DPP6: variants seen among roughly 807,000 people sequenced by gnomAD.
The protein encoded by DPP6 is dipeptidyl peptidase like 6, also known as A-type potassium channel modulatory protein DPP6.
A neutral mutation model predicts 122.6 loss-of-function variants in DPP6; 69 were observed. The observed-to-expected ratio is 0.56, with a 90% CI of 0.46 to 0.69. DPP6 has a LOEUF of 0.69. Ranked by LOEUF, DPP6 falls within the 30% of genes least tolerant of loss-of-function variation. The pLI, the probability that DPP6 is intolerant of heterozygous loss-of-function variation, is 0.00. For synonymous variants in DPP6, 418 were observed against 433.1 expected (o/e 0.97, Z 0.43); for missense variants, 928 against 1,116.9 (o/e 0.83, Z 2.41).
chr7:154,195,698 C>T (rs571063791), intron 1 of DPP6, among the ~76,000 whole-genome samples: 224 of 152,306 alleles, frequency 1.5e-3, no homozygotes, highest in Admixed American at 2.8e-3. Flanking sequence ...TCTACTAACC[C>T]AAATTCACCC....
chr7:154,676,445 C>T (rs1377442754), intron 7 of DPP6, among the ~76,000 whole-genome samples: 1 of 120,472 alleles, frequency 8.3e-6, no homozygotes, highest in African/African-American at 2.6e-5. Flanking sequence ...CTGCCCTTCC[C>T]CATGTGACCT....
At chr7:153,989,118 A>C (rs1183353632) in intron 1 of DPP6, among the ~76,000 whole-genome samples, 1 of 148,332 alleles carries the variant, frequency 6.7e-6, no homozygotes, top group African/African-American at 2.5e-5. Flanking sequence ...TTGTGGGCGG[A>C]GGAGGGCGGC....
chr7:154,344,464 G>A (rs896414335), intron 1 of DPP6, among the ~76,000 whole-genome samples: 19 of 152,182 alleles, frequency 1.2e-4, no homozygotes, highest in Non-Finnish European at 5.9e-5. Context: ...TACGCTGTTG[G>A]TGGGAAGGTA....
chr7:153,818,356 A>G, the DPP6 span, among the ~76,000 whole-genome samples: 1 of 152,110 alleles, frequency 6.6e-6, no homozygotes, highest in Non-Finnish European at 1.5e-5. Context: ...AGCACTAGAT[A>G]TAGAATTCAT....
the DPP6 span, among the ~76,000 whole-genome samples, chr7:153,843,273 C>CGCGCACACACGCAT: frequency 2.3e-5 from 1 of 44,030 alleles, no homozygotes; most frequent in Non-Finnish European, 6.5e-5. Flanking sequence ...CACACGCATG[C>CGCGCACACACGCAT]GCGCGCGCAC....
At chr7:154,835,868 G>A (rs1009379364) in intron 16 of DPP6, among the ~76,000 whole-genome samples, 5 of 152,166 alleles carry the variant, frequency 3.3e-5, no homozygotes, top group Admixed American at 1.3e-4. Flanking sequence ...AGCTGGGGGT[G>A]TCTCAGAATC....
chr7:154,885,746 TA>T lies in DPP6; in HGVS notation c.2245+5del. 6.3e-7 allele frequency: 1 copy of T among 1,584,640 alleles called. No individual in the cohort carries two copies. The highest frequency in any genetic ancestry group is 8.6e-7 in the Non-Finnish European group (1 of 1,165,286). Reference sequence around the variant, plus strand: ...CAATAACAGACTTCAAACTCTATGGTAAATAGCCCTGCAGGACCAAGCGACG... The same window carrying T: ...CAATAACAGACTTCAAACTCTATGGTAATAGCCCTGCAGGACCAAGCGACG... On this transcript the variant is annotated splice_donor_region_variant and intron_variant, in intron 22 of 25. Transcript: ENST00000377770.
intron 1 of DPP6, among the ~76,000 whole-genome samples, chr7:154,179,829 TGTA>T (rs1797984081): frequency 6.6e-6 from 1 of 152,182 alleles, no homozygotes; most frequent in Non-Finnish European, 1.5e-5. Flanking sequence ...TTTCCACCAT[TGTA>T]GTAAGCCCAA....
intron 1 of DPP6, among the ~76,000 whole-genome samples, chr7:153,895,612 T>A (rs1460891567): frequency 1.9e-5 from 2 of 107,510 alleles, no homozygotes; most frequent in Admixed American, 1.0e-4. Flanking sequence ...ATAGATGGCA[T>A]CAATGTATAG....
chr7:154,769,373 C>A (rs1291681583), intron 8 of DPP6, 44 bp from the exon 9 acceptor site: 1 of 1,607,388 alleles, frequency 6.2e-7, no homozygotes, highest in Non-Finnish European at 8.5e-7. Context: ...CCAATTTCCA[C>A]TCACTTGTTA....
chr7:154,586,660 C>T (rs2130704145), intron 5 of DPP6, among the ~76,000 whole-genome samples: 1 of 152,300 alleles, frequency 6.6e-6, no homozygotes, highest in Non-Finnish European at 1.5e-5. Flanking sequence ...GAAAAATTAG[C>T]CTGATTTGTC....
chr7:154,162,365 A>G (rs948241271), intron 1 of DPP6, among the ~76,000 whole-genome samples: 2 of 152,234 alleles, frequency 1.3e-5, no homozygotes, highest in African/African-American at 4.8e-5. Flanking sequence ...GTTCTTATGA[A>G]GTGAATAACC....
chr7:153,924,122 T>A (rs1201583091), intron 1 of DPP6, among the ~76,000 whole-genome samples: 3 of 150,372 alleles, frequency 2.0e-5, no homozygotes, highest in Non-Finnish European at 4.4e-5. Context: ...TTGAGGATTT[T>A]TTTTTTTTTT....
At chr7:153,890,683 C>CTTTTTTTTTTTT (rs34345128) in intron 1 of DPP6, among the ~76,000 whole-genome samples, 1 of 81,962 alleles carries the variant, frequency 1.2e-5, no homozygotes, top group African/African-American at 5.7e-5. Context: ...CAGTTTAGAA[C>CTTTTTTTTTTTT]TTTTTTTTTT....
intron 1 of DPP6, among the ~76,000 whole-genome samples, chr7:154,009,698 G>T (rs1341674430): frequency 6.6e-6 from 1 of 151,280 alleles, no homozygotes; most frequent in African/African-American, 2.5e-5. Flanking sequence ...GTTCTGCTCT[G>T]CTGGGCCCTG....
chr7:154,153,568 C>T (rs1180151746), intron 1 of DPP6, among the ~76,000 whole-genome samples: 1 of 152,190 alleles, frequency 6.6e-6, no homozygotes, highest in African/African-American at 2.4e-5. Flanking sequence ...GAAATGGCCA[C>T]AGCTGACAGC....
chr7:154,237,330 G>A (rs1249719450), intron 1 of DPP6, among the ~76,000 whole-genome samples: 1 of 152,208 alleles, frequency 6.6e-6, no homozygotes, highest in Non-Finnish European at 1.5e-5. Flanking sequence ...CCACTTTAAG[G>A]TAGCTACTTT....
chr7:154,628,647 G>A (rs185735903), intron 5 of DPP6, among the ~76,000 whole-genome samples: 116 of 152,010 alleles, frequency 7.6e-4, no homozygotes, highest in African/African-American at 2.5e-3. Context: ...AGATGAGCTC[G>A]TTTATTTTAA....
chr7:154,032,735 A>AT (rs890132205), intron 1 of DPP6, among the ~76,000 whole-genome samples: 27 of 151,820 alleles, frequency 1.8e-4, no homozygotes, highest in African/African-American at 6.0e-4. Context: ...CTAGGAGTTC[A>AT]TTTTTTTTCT....
Sources: gnomAD v4.1 joint callset for allele counts (sites outside exome capture counted in the v4.1 genomes callset) on GRCh38, gnomAD v4.1.1 for gene constraint, MANE v1.5 for transcripts, NCBI Gene and HGNC (gene_info 2026-07-23, HGNC 2026-07-21) for gene names.